The following COMT variants were observed in gnomAD, a reference collection of about 807,000 sequenced individuals.
The protein encoded by COMT is catechol O-methyltransferase.
Under a neutral mutation model 18.9 loss-of-function variants are expected in COMT, and 13 were observed. The observed-to-expected ratio is 0.69, with a 90% CI of 0.45 to 1.09. The LOEUF is 1.09. Among genes scored for constraint, COMT ranks in the 50% least tolerant of loss-of-function variants. The pLI is 0.00. For synonymous variants in COMT, 150 were observed against 160.9 expected (o/e 0.93, Z 0.51); for missense variants, 329 against 361.8 (o/e 0.91, Z 0.73).
intron 5 of COMT, chr22:19,964,669 C>T: frequency 1.7e-6 from 1 of 578,532 alleles, no homozygotes; most frequent in Non-Finnish European, 3.1e-6. Context: ...CTGCTCTCCC[C>T]CAAGCAAGCC....
At chr22:19,948,055 C>T (rs1031127003) in intron 1 of COMT, among the ~76,000 whole-genome samples, 2 of 151,968 alleles carry the variant, frequency 1.3e-5, no homozygotes, top group Non-Finnish European at 2.9e-5. Context: ...AATTGTAGAG[C>T]GAAGATTATT....
At chr22:19,943,275 C>CCAGCGGGACCA (rs1941775620) in intron 1 of COMT, among the ~76,000 whole-genome samples, 1 of 152,164 alleles carries the variant, frequency 6.6e-6, no homozygotes, top group Non-Finnish European at 1.5e-5. Context: ...TCATAAACTA[C>CCAGCGGGACCA]CAGCGGGACC....
chr22:19,946,606 A>G (rs113208254), intron 1 of COMT, among the ~76,000 whole-genome samples: 7 of 152,272 alleles, frequency 4.6e-5, no homozygotes, highest in African/African-American at 1.7e-4. Context: ...ATTGCAAGAG[A>G]TTTCAGGAAA....
intron 1 of COMT, among the ~76,000 whole-genome samples, chr22:19,956,450 C>G (rs1329661368): frequency 6.8e-6 from 1 of 148,118 alleles, no homozygotes; most frequent in African/African-American, 2.5e-5. Context: ...GATCTTAGCT[C>G]CCTGCAACCT....
At chr22:19,959,481 TG>T (rs1186061035) in intron 1 of COMT, among the ~76,000 whole-genome samples, 3 of 149,684 alleles carry the variant, frequency 2.0e-5, no homozygotes, top group Non-Finnish European at 4.5e-5. Context: ...CCTCCCCTTC[TG>T]GGGCCTCCCA....
At chr22:19,967,559 C>T (rs984314184) in intron 5 of COMT, 111 of 370,172 alleles carry the variant, frequency 3.0e-4, no homozygotes, top group African/African-American at 2.0e-3. Flanking sequence ...AGGCTGGAAA[C>T]GACCGCCACC....
At chr22:19,960,862 G>A (rs888943436) in intron 1 of COMT, among the ~76,000 whole-genome samples, 2 of 152,212 alleles carry the variant, frequency 1.3e-5, no homozygotes, top group African/African-American at 4.8e-5. Context: ...GACTCTTCAG[G>A]GGAAATACAA....
chr22:19,958,016 A>G (rs932764255), intron 1 of COMT, among the ~76,000 whole-genome samples: 2 of 152,126 alleles, frequency 1.3e-5, no homozygotes, highest in African/African-American at 4.8e-5. Context: ...GGGTACGAGT[A>G]TCTGGTTTAG....
In COMT at chr22:19,964,291, C is replaced by T. The variant is rs1193284272; in HGVS notation, c.607C>T (p.Leu203Phe). Residue 203 changes from leucine to phenylalanine, a missense_variant, in exon 5 of 6, where the codon CTC becomes TTC. Leu to Phe is a conservative substitution (Grantham distance 22). Transcript: ENST00000361682. ...GGACCGGTACCTGCCGGACACGCTT[C>T]TCTTGGAGGTGAGCCCCAACCAGGA... ...WKDRYLPDTL[L>F]LEECGLLRKG... 2.5e-6 allele frequency: 4 copies of T among 1,613,886 alleles called. No individual in the cohort carries two copies. The highest frequency in any genetic ancestry group is 1.3e-5 in the African/African-American group (1 of 74,946).
At chr22:19,956,153 T>C (rs904459913) in intron 1 of COMT, among the ~76,000 whole-genome samples, 4 of 130,480 alleles carry the variant, frequency 3.1e-5, no homozygotes, top group African/African-American at 1.2e-4. Context: ...TTTTTTTTTT[T>C]TTTTTTTTTG....
chr22:19,969,212 T>C lies in COMT; in HGVS notation c.*476T>C. ...ACAGTGGTGCAGAGGTCAGCCCTCCTGCAGCTAGGCCAGGGGCACCTGTTA... is the reference window on the plus strand; with the variant it reads ...ACAGTGGTGCAGAGGTCAGCCCTCCCGCAGCTAGGCCAGGGGCACCTGTTA... On this transcript the variant is annotated 3_prime_UTR_variant, in exon 6 of 6. Transcript: ENST00000361682. 6.2e-6 allele frequency: 1 copy of C among 160,082 alleles called. No homozygotes were observed. The highest frequency in any genetic ancestry group is 1.8e-4 in the East Asian group (1 of 5,406). 9.9% of individuals were successfully genotyped at this position (160,082 alleles called of 1,614,324 possible). A position where few individuals can be genotyped will look rare whatever the true frequency, so the allele number is the denominator to read the frequency against.
At chr22:19,967,415 A>G in intron 5 of COMT, 1 of 471,524 alleles carries the variant, frequency 2.1e-6, no homozygotes, top group Non-Finnish European at 4.4e-6. Context: ...TTCTAAATGA[A>G]AACACATCAT....
rs1942277722 is a variant in COMT at position 19,964,159 on chromosome 22, C to T, written c.484-9C>T. ...GTGAGGACGTGGGCACTGACAGGCG[C>T]TGTTCCAGGTCACCCTTGTGGTTGG... On this transcript the variant is annotated splice_polypyrimidine_tract_variant and intron_variant, in intron 4 of 5. Coordinates refer to ENST00000361682, the MANE Select transcript of COMT (RefSeq NM_000754.4). The T allele has an allele frequency of 6.2e-7, 1 of 1,614,048 alleles. No individual in the cohort carries two copies. The highest frequency in any genetic ancestry group is 8.5e-7 in the Non-Finnish European group (1 of 1,180,040).
At chr22:19,949,361 G>A (rs1601509960) in intron 1 of COMT, among the ~76,000 whole-genome samples, 1 of 152,016 alleles carries the variant, frequency 6.6e-6, no homozygotes, top group Non-Finnish European at 1.5e-5. Context: ...GGCTTGTCTC[G>A]AATTCCTGGG....
intron 1 of COMT, among the ~76,000 whole-genome samples, chr22:19,942,847 C>T (rs760318940): frequency 1.3e-4 from 20 of 152,110 alleles, no homozygotes; most frequent in Non-Finnish European, 2.8e-4. Context: ...CAGAAAATCA[C>T]CAAAACTGGG....
chr22:19,952,325 G>C (rs996461168), intron 1 of COMT, among the ~76,000 whole-genome samples: 2 of 151,942 alleles, frequency 1.3e-5, no homozygotes, highest in African/African-American at 4.8e-5. Context: ...CTGGGCGACA[G>C]AGCAAGACCC....
At chr22:19,962,325 G>C (rs1299083776) in intron 2 of COMT, 2 of 824,614 alleles carry the variant, frequency 2.4e-6, no homozygotes, top group South Asian at 1.7e-5. Flanking sequence ...CACCTGCTCT[G>C]TCTACCCGAG....
chr22:19,945,510 A>T (rs1048173517), intron 1 of COMT, among the ~76,000 whole-genome samples: 1 of 152,192 alleles, frequency 6.6e-6, no homozygotes, highest in Non-Finnish European at 1.5e-5. Flanking sequence ...TTCAATAACT[A>T]TATTGCCATG....
chr22:19,951,263 G>A (rs998136976), intron 1 of COMT, among the ~76,000 whole-genome samples: 63 of 150,168 alleles, frequency 4.2e-4, no homozygotes, highest in African/African-American at 1.5e-3. Flanking sequence ...GGAGGCTGAG[G>A]CAGGAGAATG....
Sources: gnomAD v4.1 joint callset for allele counts (sites outside exome capture counted in the v4.1 genomes callset) on GRCh38, gnomAD v4.1.1 for gene constraint, MANE v1.5 for transcripts, NCBI Gene and HGNC (gene_info 2026-07-23, HGNC 2026-07-21) for gene names.